DSCAM: variants seen among roughly 807,000 people sequenced by gnomAD.
DSCAM encodes DS cell adhesion molecule, also known as cell adhesion molecule DSCAM.
A neutral mutation model predicts 217.7 loss-of-function variants in DSCAM; 47 were observed. The observed-to-expected ratio is 0.22, with a 90% CI of 0.17 to 0.28. The LOEUF is 0.28. Among genes scored for constraint, DSCAM ranks in the 10% least tolerant of loss-of-function variants. DSCAM has a pLI of 1.00. For synonymous variants in DSCAM, 1,056 were observed against 1,015.3 expected (o/e 1.04, Z -0.76); for missense variants, 2,080 against 2,618.3 (o/e 0.79, Z 4.49).
intron 1 of DSCAM, among the ~76,000 whole-genome samples, chr21:40,748,874 A>T (rs1388768818): frequency 6.6e-6 from 1 of 152,156 alleles, no homozygotes; most frequent in Admixed American, 6.5e-5. Flanking sequence ...ACACTGGCGT[A>T]AAAACAGATA....
chr21:40,346,269 C>T (rs1286858587), intron 6 of DSCAM, among the ~76,000 whole-genome samples: 1 of 152,150 alleles, frequency 6.6e-6, no homozygotes, highest in Non-Finnish European at 1.5e-5. Context: ...AATACCATGC[C>T]TTCAGCTAAT....
intron 3 of DSCAM, among the ~76,000 whole-genome samples, chr21:40,585,439 A>G (rs1471918611): frequency 3.9e-5 from 2 of 50,908 alleles, no homozygotes; most frequent in African/African-American, 9.2e-5. Context: ...AAAAAAAAAA[A>G]AAAAGAAAAA....
chr21:40,719,395 G>A (rs1326554050), intron 1 of DSCAM, among the ~76,000 whole-genome samples: 1 of 152,122 alleles, frequency 6.6e-6, no homozygotes, highest in Non-Finnish European at 1.5e-5. Flanking sequence ...AAAATTATTA[G>A]CCTCTACTAA....
intron 3 of DSCAM, among the ~76,000 whole-genome samples, chr21:40,633,371 T>C (rs550749931): frequency 6.6e-6 from 1 of 152,184 alleles, no homozygotes; most frequent in Non-Finnish European, 1.5e-5. Context: ...TCCACATCTC[T>C]CTGCAAGAGC....
rs771986567 is a variant in DSCAM at position 40,790,180 on chromosome 21, C to CTT, written c.43+56437_43+56438dup. On this transcript the variant is annotated intron_variant, in intron 1 of 32. Coordinates refer to ENST00000400454, the MANE Select transcript of DSCAM (RefSeq NM_001389.5). ...AGGATGCAAACGTTTTTCTTTCTTT[C>CTT]TTTTTTTTTTTTTTTTTTTTAGATG... 6.7e-3 allele frequency among the ~76,000 whole-genome samples: 844 copies of CTT among 125,362 alleles called. 9 individuals are homozygous for CTT. The highest frequency in any genetic ancestry group is 0.018 in the African/African-American group (622 of 33,670). The allele number at this position is 125,362 out of a possible 152,430, so 82.2% of individuals were successfully genotyped here.
intron 3 of DSCAM, chr21:40,621,145 G>T (rs1427617199): frequency 1.3e-5 from 2 of 152,170 alleles, no homozygotes; most frequent in Non-Finnish European, 2.9e-5. Flanking sequence ...TTATCTGATT[G>T]TAGTGTGACT....
At chr21:40,724,540 T>G (rs1046491615) in intron 1 of DSCAM, among the ~76,000 whole-genome samples, 12 of 151,966 alleles carry the variant, frequency 7.9e-5, no homozygotes, top group Non-Finnish European at 1.6e-4. Flanking sequence ...CATGGCAATG[T>G]GAAATAGCAA....
chr21:40,135,846 C>T (rs1215749958), intron 18 of DSCAM, among the ~76,000 whole-genome samples: 1 of 152,212 alleles, frequency 6.6e-6, no homozygotes, highest in Non-Finnish European at 1.5e-5. Flanking sequence ...ATTAAAGGAG[C>T]ATGGCAAATA....
At chr21:40,323,070 G>A (rs2074277734) in intron 8 of DSCAM, among the ~76,000 whole-genome samples, 1 of 152,116 alleles carries the variant, frequency 6.6e-6, no homozygotes, top group Non-Finnish European at 1.5e-5. Context: ...CCTCAATCTA[G>A]TGACTGATTG....
rs74360746 is a variant in DSCAM, at chr21:40,711,197, G to C, written c.44-2426C>G. 2.2e-3 allele frequency among the ~76,000 whole-genome samples: 338 copies of C among 152,288 alleles called. 1 individual carries two copies. The highest frequency in any genetic ancestry group is 6.0e-3 in the South Asian group (29 of 4,814). ...TGGGGATTACAGGCAGCTCTGTATAGAGTGGGTCTATGGCCTGTGCTTCCA... is the reference window on the plus strand; with the variant it reads ...TGGGGATTACAGGCAGCTCTGTATACAGTGGGTCTATGGCCTGTGCTTCCA... On this transcript the variant is annotated intron_variant, in intron 1 of 32. Coordinates refer to ENST00000400454, the MANE Select transcript of DSCAM (RefSeq NM_001389.5).
intron 1 of DSCAM, among the ~76,000 whole-genome samples, chr21:40,796,999 C>T: frequency 6.6e-6 from 1 of 151,984 alleles, no homozygotes; most frequent in East Asian, 1.9e-4. Context: ...TTGCTCTAGT[C>T]ACTAAATATC....
intron 8 of DSCAM, among the ~76,000 whole-genome samples, chr21:40,313,557 G>C (rs1207489079): frequency 1.3e-5 from 2 of 152,142 alleles, no homozygotes; most frequent in Non-Finnish European, 2.9e-5. Flanking sequence ...AACTCTAACT[G>C]TTACTTGTTA....
At chr21:40,576,261 A>G (rs574693720) in intron 3 of DSCAM, among the ~76,000 whole-genome samples, 1 of 152,384 alleles carries the variant, frequency 6.6e-6, no homozygotes, top group East Asian at 1.9e-4. Flanking sequence ...ATCAGCAACA[A>G]CATGTGTGAA....
chr21:40,419,661 C>G (rs1435414969), intron 3 of DSCAM, among the ~76,000 whole-genome samples: 1 of 152,104 alleles, frequency 6.6e-6, no homozygotes, highest in East Asian at 1.9e-4. Flanking sequence ...CATCTTCTAG[C>G]CTATCAAAAG....
intron 6 of DSCAM, 91 bp downstream of exon 6, chr21:40,347,579 G>C (rs570492154): frequency 2.7e-5 from 41 of 1,544,710 alleles, no homozygotes; most frequent in Non-Finnish European, 3.6e-5. Flanking sequence ...AGAACTGAGC[G>C]ATCAGCACTG....
chr21:40,018,007 A>G (rs988941321), intron 32 of DSCAM, among the ~76,000 whole-genome samples: 2 of 138,914 alleles, frequency 1.4e-5, no homozygotes, highest in South Asian at 2.5e-4. Flanking sequence ...ATCTCTTGCC[A>G]TATAGAATAG....
rs370640454 is a variant in DSCAM at position 40,476,965 on chromosome 21, T to C, written c.509-107720A>G. Among the ~76,000 whole-genome samples, 65 of 152,294 alleles carry C rather than the reference T, an allele frequency of 4.3e-4. 1 individual carries two copies. The highest frequency in any genetic ancestry group is 1.9e-3 in the East Asian group (10 of 5,186). On this transcript the variant is annotated intron_variant, in intron 3 of 32. Coordinates refer to ENST00000400454, the MANE Select transcript of DSCAM (RefSeq NM_001389.5). Reference sequence around the variant, plus strand: ...CAAGACCTGATAAAAATAATGTTCATTTTAAAATTTAAAGTACAAATAAGT... The same window carrying C: ...CAAGACCTGATAAAAATAATGTTCACTTTAAAATTTAAAGTACAAATAAGT...
intron 16 of DSCAM, among the ~76,000 whole-genome samples, chr21:40,157,061 G>A (rs942748626): frequency 1.3e-5 from 2 of 152,046 alleles, no homozygotes; most frequent in Non-Finnish European, 2.9e-5. Context: ...AGCTAACAAC[G>A]GTTTCTTGTT....
intron 3 of DSCAM, among the ~76,000 whole-genome samples, chr21:40,501,066 G>C (rs373159806): frequency 3.4e-4 from 52 of 152,304 alleles, no homozygotes; most frequent in African/African-American, 1.2e-3. Flanking sequence ...CCTAAAGGTA[G>C]AATTAGTAGT....
Sources: allele counts gnomAD v4.1 joint callset (sites outside exome capture counted in the v4.1 genomes callset), GRCh38; gene constraint gnomAD v4.1.1; transcripts MANE v1.5; gene names NCBI Gene and HGNC (gene_info 2026-07-23, HGNC 2026-07-21).